CTNNA2: variants seen among roughly 807,000 people sequenced by gnomAD.
CTNNA2 encodes the protein catenin alpha-2.
CTNNA2 carries 42 observed loss-of-function variants against 101.0 expected under a neutral mutation model. That is an observed-to-expected ratio of 0.42 (90% CI 0.32 to 0.54). The LOEUF (loss-of-function observed/expected upper bound fraction) is 0.54. Ranked by LOEUF, CTNNA2 falls within the 20% of genes least tolerant of loss-of-function variation. The pLI is 0.14. For synonymous variants in CTNNA2, 450 were observed against 456.4 expected, an observed-to-expected ratio of 0.99 and a Z score of 0.18; for missense variants, 871 against 1,223.1, an observed-to-expected ratio of 0.71 and a Z score of 4.29.
At chr2:79,449,838 T>C (rs1290123086) in intron 4 of CTNNA2, among the ~76,000 whole-genome samples, 1 of 152,012 alleles carries the variant, frequency 6.6e-6, no homozygotes, top group African/African-American at 2.4e-5. Flanking sequence ...AGATCCTTTA[T>C]GGGTAAATGT....
rs1357817286 is a variant in CTNNA2, at chr2:80,008,290, C to A, written c.1056+98493C>A. The stretch of plus-strand genomic sequence containing the variant: ...TATTTATGTTTCCTTATCGCTCCCG[C>A]AGTCACCCCACTGTGCTCTTAAGGA... On this transcript the variant is annotated intron_variant, in intron 7 of 18. Transcript: ENST00000402739. 8.5e-5 allele frequency among the ~76,000 whole-genome samples: 13 copies of A among 152,320 alleles called. 1 individual carries two copies. The East Asian group carries it at 2.1e-3, about 25-fold the overall frequency.
In CTNNA2 at chr2:79,964,262, C is replaced by A. The variant is rs985930710; in HGVS notation, c.1056+54465C>A. On this transcript the variant is annotated intron_variant, in intron 7 of 18. Transcript: ENST00000402739. ...AATCTTTACAGTTATTTCATTTAAT[C>A]CATATAATGCCACTGAGACATGGGC... Among the ~76,000 whole-genome samples, 3 of 152,130 alleles carry A rather than the reference C, an allele frequency of 2.0e-5. No homozygotes were observed. The South Asian group carries it at 6.2e-4, about 32-fold the overall frequency.
intron 9 of CTNNA2, among the ~76,000 whole-genome samples, chr2:80,428,483 G>T (rs539033337): frequency 2.0e-4 from 31 of 152,334 alleles, no homozygotes; most frequent in African/African-American, 7.0e-4. Context: ...TGAAGGTTGA[G>T]CTGAGATATT....
At chr2:80,380,536 T>C (rs1265028526) in intron 7 of CTNNA2, among the ~76,000 whole-genome samples, 1 of 152,204 alleles carries the variant, frequency 6.6e-6, no homozygotes, top group Non-Finnish European at 1.5e-5. Context: ...CCGAAGACTT[T>C]GTGTTGTCAT....
At chr2:79,854,022 A>C (rs1680936310) in intron 3 of CTNNA2, among the ~76,000 whole-genome samples, 1 of 152,080 alleles carries the variant, frequency 6.6e-6, no homozygotes, top group South Asian at 2.1e-4. Context: ...TCCACATTTG[A>C]ATTGATCTTA....
At chr2:79,981,146 T>C (rs1259627951) in intron 7 of CTNNA2, among the ~76,000 whole-genome samples, 1 of 152,088 alleles carries the variant, frequency 6.6e-6, no homozygotes, top group African/African-American at 2.4e-5. Flanking sequence ...GTTGCACTTA[T>C]TTTGCAGGGT....
chr2:79,853,159 C>T (rs1379224947), intron 3 of CTNNA2, among the ~76,000 whole-genome samples: 1 of 151,746 alleles, frequency 6.6e-6, no homozygotes, highest in Non-Finnish European at 1.5e-5. Flanking sequence ...TGAGCCACTG[C>T]ACCTTGTTTT....
chr2:79,943,132 G>A (rs750399949), intron 7 of CTNNA2, among the ~76,000 whole-genome samples: 24 of 152,092 alleles, frequency 1.6e-4, no homozygotes, highest in Non-Finnish European at 3.2e-4. Flanking sequence ...CCAGAGAATC[G>A]CTTGAACCTG....
intron 7 of CTNNA2, among the ~76,000 whole-genome samples, chr2:80,049,045 C>T (rs1292337018): frequency 6.6e-6 from 1 of 152,108 alleles, no homozygotes; most frequent in Non-Finnish European, 1.5e-5. Context: ...GGCATTCGAG[C>T]AGGGAAGTAG....
At chr2:80,538,451 A>G (rs1432663463) in intron 9 of CTNNA2, among the ~76,000 whole-genome samples, 3 of 152,178 alleles carry the variant, frequency 2.0e-5, no homozygotes, top group Non-Finnish European at 4.4e-5. Context: ...ATGACTAGCC[A>G]ATTTTCCCAG....
chr2:79,237,228 G>A (rs1480848933), intron 2 of CTNNA2, among the ~76,000 whole-genome samples: 2 of 152,154 alleles, frequency 1.3e-5, no homozygotes, highest in African/African-American at 4.8e-5. Flanking sequence ...ACATCTCTTG[G>A]GTGAGTTCTT....
rs187261854 is a variant in CTNNA2, at chr2:79,810,743, T to G, written c.299-47270T>G. ...TTTCCTGTGTCCATGTGTTCTCATT[T>G]TTCAATTCCCACCTATGAGTGAGAA... On this transcript the variant is annotated intron_variant, in intron 3 of 18. Coordinates refer to ENST00000402739, the MANE Select transcript of CTNNA2 (RefSeq NM_001282597.3). 2.4e-3 allele frequency among the ~76,000 whole-genome samples: 358 copies of G among 151,962 alleles called. 7 individuals carry two copies. The highest frequency in any genetic ancestry group is 0.021 in the Admixed American group (319 of 15,250).
chr2:79,677,453 G>A (rs188486038), intron 2 of CTNNA2, among the ~76,000 whole-genome samples: 33 of 152,190 alleles, frequency 2.2e-4, no homozygotes, highest in Non-Finnish European at 2.6e-4. Flanking sequence ...TGGCATAGGC[G>A]GATCAAATGG....
chr2:79,577,258 A>C (rs531974445), intron 1 of CTNNA2, among the ~76,000 whole-genome samples: 106 of 152,274 alleles, frequency 7.0e-4, no homozygotes, highest in African/African-American at 1.9e-3. Context: ...TTCTGTGAAT[A>C]AATGACGTAT....
In CTNNA2 at chr2:80,303,106, G is replaced by C. The variant is rs1676521637; in HGVS notation, c.1057-90105G>C. 6.2e-7 allele frequency: 1 copy of C among 1,614,152 alleles called. No homozygotes were observed. The highest frequency in any genetic ancestry group is 1.3e-5 in the African/African-American group (1 of 75,012). On this transcript the variant is annotated intron_variant, in intron 7 of 18. Transcript: ENST00000402739. The surrounding 1 kb of genome is among the most constrained non-coding windows in gnomAD (Gnocchi z 7.7). ...TGGCCACCTTGTTCCTCCGCAGGCA[G>C]AGCGAGTGCAGGGAGATGAGGCGCG...
intron 2 of CTNNA2, among the ~76,000 whole-genome samples, chr2:79,226,511 A>G (rs919500900): frequency 1.2e-4 from 19 of 152,194 alleles, no homozygotes; most frequent in Admixed American, 6.6e-4. Context: ...TCCAGATCAC[A>G]GGTATTAAAA....
At chr2:80,413,391 C>T (rs185945207) in intron 8 of CTNNA2, among the ~76,000 whole-genome samples, 34 of 152,270 alleles carry the variant, frequency 2.2e-4, no homozygotes, top group African/African-American at 5.3e-4. Flanking sequence ...CAGAGAATTT[C>T]GTGTTTCTCG....
chr2:79,507,312 T>C (rs1319153805), intron 5 of CTNNA2, among the ~76,000 whole-genome samples: 2 of 152,184 alleles, frequency 1.3e-5, no homozygotes, highest in African/African-American at 2.4e-5. Context: ...TAATCCACAA[T>C]GCAACAGTGT....
At chr2:79,759,743 G>A (rs1342234249) in intron 3 of CTNNA2, among the ~76,000 whole-genome samples, 2 of 151,848 alleles carry the variant, frequency 1.3e-5, no homozygotes, top group Non-Finnish European at 2.9e-5. Context: ...TTTCTTCTTT[G>A]TCAATCATTT....
Sources: allele counts gnomAD v4.1 joint callset (sites outside exome capture counted in the v4.1 genomes callset), GRCh38; gene constraint gnomAD v4.1.1; non-coding constraint Gnocchi (gnomAD v3.1); transcripts MANE v1.5; gene names NCBI Gene and HGNC (gene_info 2026-07-23, HGNC 2026-07-21).